RPN1: variants seen among roughly 807,000 people sequenced by gnomAD.
RPN1 encodes ribophorin I, also known as dolichyl-diphosphooligosaccharide--protein glycosyltransferase subunit 1.
A neutral mutation model predicts 55.5 loss-of-function variants in RPN1; 12 were observed. The observed-to-expected ratio is 0.22, with a 90% CI of 0.14 to 0.35. The LOEUF (loss-of-function observed/expected upper bound fraction) is 0.35. Among genes scored for constraint, RPN1 ranks in the 10% least tolerant of loss-of-function variants. RPN1 has a pLI of 1.00. For missense variants in RPN1, 679 were observed against 761.3 expected, an observed-to-expected ratio of 0.89 and a Z score of 1.27; for synonymous variants, 317 against 305.9, an observed-to-expected ratio of 1.04 and a Z score of -0.38.
chr3:128,645,057 C>T (rs2069756526), intron 1 of RPN1, 74 bp from the exon 2 acceptor site: 2 of 834,836 alleles, frequency 2.4e-6, no homozygotes, highest in African/African-American at 3.4e-5. Flanking sequence ...TAACCAAGTG[C>T]TTTAGAACAT....
At chr3:128,631,113 CAA>C (rs748306017) in intron 4 of RPN1, among the ~76,000 whole-genome samples, 13 of 97,606 alleles carry the variant, frequency 1.3e-4, no homozygotes, top group Middle Eastern at 8.9e-3. Context: ...ACTCTGTCTC[CAA>C]AAAAAAAAAA....
intron 9 of RPN1, among the ~76,000 whole-genome samples, chr3:128,621,172 T>G (rs2069555941): frequency 6.6e-6 from 1 of 152,210 alleles, no homozygotes; most frequent in African/African-American, 2.4e-5. Flanking sequence ...CCACAGATGC[T>G]GACATATAAT....
In RPN1 at chr3:128,630,078, G is replaced by A. The variant is rs2069630526; in HGVS notation, c.909C>T (p.Ser303=). ...YRDEIGNVST[S]HLLILDDSVE... is the part of the protein sequence containing the mutation. The stretch of plus-strand genomic sequence containing the variant: ...CAGAGTCATCCAAAATAAGGAGGTG[G>A]CTGGTAGAAACATTGCCAATCTCAT... Residue 303 remains serine, a synonymous_variant, in exon 5 of 10, where the codon AGC becomes AGT. Transcript: ENST00000296255. 6.2e-7 allele frequency: 1 copy of A among 1,613,012 alleles called. No homozygotes were observed. The highest frequency in any genetic ancestry group is 1.1e-5 in the South Asian group (1 of 91,056).
chr3:128,625,011 G>T, intron 8 of RPN1, among the ~76,000 whole-genome samples: 1 of 152,288 alleles, frequency 6.6e-6, no homozygotes, highest in Admixed American at 6.5e-5. Flanking sequence ...GAGAAATGGA[G>T]GAAGGAAGGA....
At chr3:128,644,321 A>G (rs562925661) in intron 2 of RPN1, among the ~76,000 whole-genome samples, 10 of 152,290 alleles carry the variant, frequency 6.6e-5, no homozygotes, top group African/African-American at 2.4e-4. Context: ...TCCAGAATAT[A>G]TTACAGCATG....
chr3:128,625,657 G>A lies in RPN1; in HGVS notation c.1276-4C>T. 2 of 1,614,014 alleles carry A rather than the reference G, an allele frequency of 1.2e-6. No individual in the cohort carries two copies. The highest frequency in any genetic ancestry group is 1.7e-6 in the Non-Finnish European group (2 of 1,180,034). ...CCTTGTTGAACGTGTAGTGGACCTGGGAGAAGCAAGAGGACAGGCTTCATC... is the reference window on the plus strand; with the variant it reads ...CCTTGTTGAACGTGTAGTGGACCTGAGAGAAGCAAGAGGACAGGCTTCATC... On this transcript the variant is annotated splice_region_variant and splice_polypyrimidine_tract_variant and intron_variant, in intron 7 of 9. Transcript: ENST00000296255.
At chr3:128,646,105 G>A (rs1214919123) in intron 1 of RPN1, among the ~76,000 whole-genome samples, 2 of 151,308 alleles carry the variant, frequency 1.3e-5, no homozygotes, top group African/African-American at 4.9e-5. Flanking sequence ...TTAGCCGGGT[G>A]TGGTGGCGTG....
At chr3:128,634,360 T>C (rs184449450) in intron 3 of RPN1, among the ~76,000 whole-genome samples, 138 of 151,262 alleles carry the variant, frequency 9.1e-4, no homozygotes, top group East Asian at 1.4e-3. Context: ...AAAGGTAATG[T>C]AGTAATATGT....
chr3:128,635,819 C>T (rs28736369), intron 3 of RPN1, among the ~76,000 whole-genome samples: 1 of 148,650 alleles, frequency 6.7e-6, no homozygotes, highest in Non-Finnish European at 1.5e-5. Context: ...GCCATATATA[C>T]ATATATATAT....
Position 128,621,706 on chromosome 3 carries a change from G to C in RPN1, c.1641+458C>G, listed in dbSNP as rs1304265655. 2.0e-5 allele frequency among the ~76,000 whole-genome samples: 3 copies of C among 152,208 alleles called. No individual in the cohort carries two copies. In the East Asian group the frequency reaches 5.8e-4, roughly 29 times the overall value. ...CATGCATTAACTCATTTCACACTCA[G>C]AACCCCTATGAGGGGCTAACAGCAT... On this transcript the variant is annotated intron_variant, in intron 9 of 9. Coordinates refer to ENST00000296255, the MANE Select transcript of RPN1 (RefSeq NM_002950.4).
intron 5 of RPN1, 52 bp from the exon 6 acceptor site, chr3:128,626,884 C>T: frequency 1.3e-6 from 2 of 1,533,896 alleles, no homozygotes; most frequent in South Asian, 2.2e-5. Flanking sequence ...ATCAAATGGG[C>T]AGGAGAGAAA....
intron 3 of RPN1, among the ~76,000 whole-genome samples, chr3:128,636,364 G>A (rs1275830393): frequency 6.6e-6 from 1 of 152,016 alleles, no homozygotes; most frequent in Non-Finnish European, 1.5e-5. Flanking sequence ...AGGAGGCTGA[G>A]GTAGGAGAAT....
chr3:128,639,683 G>A (rs2069710638), intron 2 of RPN1, among the ~76,000 whole-genome samples: 1 of 151,916 alleles, frequency 6.6e-6, no homozygotes, highest in Admixed American at 6.5e-5. Context: ...CGCCTGCTGG[G>A]TTCAAGTGAT....
chr3:128,638,909 T>C (rs2069703741), intron 2 of RPN1, among the ~76,000 whole-genome samples: 1 of 151,722 alleles, frequency 6.6e-6, no homozygotes, highest in Non-Finnish European at 1.5e-5. Context: ...GAGGTTGCAG[T>C]GAGCCAAGAT....
At chr3:128,645,534 C>T (rs899667417) in intron 1 of RPN1, among the ~76,000 whole-genome samples, 11 of 151,740 alleles carry the variant, frequency 7.2e-5, no homozygotes, top group Non-Finnish European at 1.5e-4. Context: ...ATGAAATACA[C>T]ACAGCTGGGT....
intron 1 of RPN1, among the ~76,000 whole-genome samples, chr3:128,650,295 C>T (rs547192315): frequency 7.2e-5 from 11 of 152,112 alleles, no homozygotes; most frequent in Admixed American, 4.6e-4. Flanking sequence ...GGGGGCAGGC[C>T]GGTGCTGACG....
At position 128,626,795 on chromosome 3, in the gene RPN1, A is replaced by G; in HGVS notation, c.1074T>C (p.His358=). Residue 358 remains histidine, a synonymous_variant, in exon 6 of 10, where the codon CAT becomes CAC. Coordinates refer to ENST00000296255, the MANE Select transcript of RPN1 (RefSeq NM_002950.4). ...QYALKMRFVD[H]VFDEQVIDSL... is the part of the protein sequence containing the mutation. Reference sequence around the variant, plus strand: ...AATCTATCACTTGTTCATCAAACACATGGTCCACAAACCTCATCTTCAGTG... The same window carrying G: ...AATCTATCACTTGTTCATCAAACACGTGGTCCACAAACCTCATCTTCAGTG... 1.9e-6 allele frequency: 3 copies of G among 1,614,166 alleles called. No individual in the cohort carries two copies. Among genetic ancestry groups the G allele is most frequent in the South Asian group, 2.2e-5 (2 of 91,084 alleles).
intron 2 of RPN1, among the ~76,000 whole-genome samples, chr3:128,644,294 G>A (rs1311712272): frequency 6.6e-6 from 1 of 152,168 alleles, no homozygotes; most frequent in Non-Finnish European, 1.5e-5. Context: ...CATTAGTAAT[G>A]AGAAGTCATA....
At chr3:128,646,159 G>C (rs1194650510) in intron 1 of RPN1, among the ~76,000 whole-genome samples, 3 of 146,228 alleles carry the variant, frequency 2.1e-5, no homozygotes, top group Non-Finnish European at 4.5e-5. Flanking sequence ...GGAGACGGAG[G>C]TTGCAGTGAG....
Sources: allele counts gnomAD v4.1 joint callset (sites outside exome capture counted in the v4.1 genomes callset), GRCh38; gene constraint gnomAD v4.1.1; transcripts MANE v1.5; gene names NCBI Gene and HGNC (gene_info 2026-07-23, HGNC 2026-07-21).